Variants in ABTB3 observed in about 807,000 individuals in gnomAD.
The protein encoded by ABTB3 is ankyrin repeat- and BTB/POZ domain-containing protein 3.
the ABTB3 span, among the ~76,000 whole-genome samples, chr12:107,543,196 T>A: frequency 6.6e-6 from 1 of 151,392 alleles, no homozygotes; most frequent in South Asian, 2.1e-4. Flanking sequence ...ATTAACCGGT[T>A]GTGGTGGCAG....
At chr12:107,511,774 G>A in the ABTB3 span, among the ~76,000 whole-genome samples, 1 of 152,104 alleles carries the variant, frequency 6.6e-6, no homozygotes, top group Admixed American at 6.5e-5. Context: ...GAAAAATGGA[G>A]ACCATTTTTG....
At chr12:107,653,827 T>C in the ABTB3 span, among the ~76,000 whole-genome samples, 3 of 152,222 alleles carry the variant, frequency 2.0e-5, no homozygotes, top group Admixed American at 1.3e-4. Context: ...TTTTTAAGTA[T>C]ACAGTTCAGT....
chr12:107,438,765 G>A, the ABTB3 span, among the ~76,000 whole-genome samples: 9 of 152,060 alleles, frequency 5.9e-5, no homozygotes, highest in South Asian at 2.1e-4. Flanking sequence ...GCAAGGACGC[G>A]TTAGCACCAA....
chr12:107,367,411 G>A, the ABTB3 span, among the ~76,000 whole-genome samples: 1 of 152,082 alleles, frequency 6.6e-6, no homozygotes, highest in Non-Finnish European at 1.5e-5. Flanking sequence ...ATTCAACAGA[G>A]GGTTGAATTA....
the ABTB3 span, among the ~76,000 whole-genome samples, chr12:107,557,919 G>A: frequency 6.6e-6 from 1 of 152,224 alleles, no homozygotes; most frequent in Non-Finnish European, 1.5e-5. Flanking sequence ...CTTTGCCAGG[G>A]AGGGGGGACT....
the ABTB3 span, among the ~76,000 whole-genome samples, chr12:107,560,168 C>T: frequency 6.6e-5 from 10 of 152,032 alleles, no homozygotes; most frequent in African/African-American, 2.4e-4. Flanking sequence ...GTGACTGTAC[C>T]GTAATTTGCC....
At chr12:107,564,938 A>T in the ABTB3 span, among the ~76,000 whole-genome samples, 1 of 152,182 alleles carries the variant, frequency 6.6e-6, no homozygotes, top group Non-Finnish European at 1.5e-5. Flanking sequence ...CAGAGTCCAT[A>T]CCCAGGAAAA....
At chr12:107,399,313 C>A in the ABTB3 span, among the ~76,000 whole-genome samples, 2 of 152,118 alleles carry the variant, frequency 1.3e-5, no homozygotes, top group Non-Finnish European at 2.9e-5. Flanking sequence ...TTGCTAGGAT[C>A]GTGAACAAAG....
At chr12:107,609,462 T>G in the ABTB3 span, among the ~76,000 whole-genome samples, 18 of 152,216 alleles carry the variant, frequency 1.2e-4, no homozygotes, top group Non-Finnish European at 2.1e-4. Flanking sequence ...CAAATTCCCA[T>G]GCACCTTGCC....
the ABTB3 span, among the ~76,000 whole-genome samples, chr12:107,575,476 A>G: frequency 2.0e-5 from 3 of 152,126 alleles, no homozygotes; most frequent in African/African-American, 4.8e-5. Context: ...ATTACCACAC[A>G]CGGACGCTTA....
chr12:107,361,931 C>A, the ABTB3 span, among the ~76,000 whole-genome samples: 2 of 152,032 alleles, frequency 1.3e-5, no homozygotes, highest in East Asian at 1.9e-4. Context: ...AAAAAAGGGA[C>A]CCCAGAAAGC....
chr12:107,494,313 C>A, the ABTB3 span, among the ~76,000 whole-genome samples: 1 of 152,176 alleles, frequency 6.6e-6, no homozygotes, highest in African/African-American at 2.4e-5. Context: ...TCCCTCACCC[C>A]ACCCACGGTA....
At chr12:107,413,043 A>G in the ABTB3 span, among the ~76,000 whole-genome samples, 46,063 of 151,762 alleles carry the variant, frequency 0.3, 8,139 homozygotes, top group East Asian at 0.55. Flanking sequence ...GGGAGGCCGA[A>G]GTGGGCGGAT....
the ABTB3 span, among the ~76,000 whole-genome samples, chr12:107,348,263 A>T: frequency 6.6e-6 from 1 of 152,096 alleles, no homozygotes; most frequent in Non-Finnish European, 1.5e-5. Context: ...ACACATATAC[A>T]TATATGTATA....
At chr12:107,649,582 G>A in the ABTB3 span, 1 of 365,124 alleles carries the variant, frequency 2.7e-6, no homozygotes. Context: ...GGAAGGGAAG[G>A]AATTTGACTG....
At chr12:107,487,208 G>A in the ABTB3 span, among the ~76,000 whole-genome samples, 1 of 152,188 alleles carries the variant, frequency 6.6e-6, no homozygotes, top group African/African-American at 2.4e-5. Flanking sequence ...AGAGACCAGA[G>A]AAGTCGTCTG....
At chr12:107,493,083 A>G in the ABTB3 span, among the ~76,000 whole-genome samples, 2 of 80,118 alleles carry the variant, frequency 2.5e-5, no homozygotes, top group Admixed American at 1.1e-4. Flanking sequence ...CAGAGAAAAG[A>G]AAAAAAAAAA....
the ABTB3 span, among the ~76,000 whole-genome samples, chr12:107,482,916 CT>C: frequency 6.2e-3 from 272 of 43,712 alleles, 1 homozygote; most frequent in African/African-American, 0.031. Flanking sequence ...CTTTCTTCTT[CT>C]TTCTTTCTTT....
chr12:107,353,224 C>T, the ABTB3 span, among the ~76,000 whole-genome samples: 3 of 152,274 alleles, frequency 2.0e-5, no homozygotes, highest in East Asian at 3.9e-4. Context: ...GTAGGGAGTA[C>T]CCACTAAGTG....
Sources: allele counts gnomAD v4.1 joint callset (sites outside exome capture counted in the v4.1 genomes callset), GRCh38; gene constraint gnomAD v4.1.1; transcripts MANE v1.5; gene names NCBI Gene and HGNC (gene_info 2026-07-23, HGNC 2026-07-21).